The following PLXNA3 variants were observed in gnomAD, a reference collection of about 807,000 sequenced individuals.
PLXNA3 encodes plexin-A3.
PLXNA3 carries 52 observed loss-of-function variants against 118.8 expected under a neutral mutation model. That is an observed-to-expected ratio of 0.44 (90% CI 0.35 to 0.55). PLXNA3 has a LOEUF of 0.55. Ranked by LOEUF, PLXNA3 falls within the 20% of genes least tolerant of loss-of-function variation. The pLI is 0.01. For synonymous variants in PLXNA3, 925 were observed against 762.4 expected (o/e 1.21, Z -3.51); for missense variants, 1,660 against 1,730.8 (o/e 0.96, Z 0.73).
Position 154,470,016 on chromosome X carries a change from G to A in PLXNA3, c.4835G>A (p.Arg1612His). Residue 1612 changes from arginine (R) to histidine (H), a missense_variant, in exon 29 of 33, where the codon CGC becomes CAC. Physicochemically the swap from Arg to His is conservative, Grantham distance 29. Coordinates refer to ENST00000369682, the MANE Select transcript of PLXNA3 (RefSeq NM_017514.5). ...ACGGCCAGCAGCCCTGATAGCCTCC[G>A]CTCACGGGCACCCATGATTACGCCT... ...LRTASSPDSLRSRAPMITPDQ... is the reference protein window; with the variant it reads ...LRTASSPDSLHSRAPMITPDQ... The A allele has an allele frequency of 1.7e-6, 2 of 1,211,220 alleles. No individual in the cohort carries two copies. Among genetic ancestry groups the A allele is most frequent in the Non-Finnish European group, 2.2e-6 (2 of 895,344 alleles).
chrX:154,471,362 C>T (rs782538517), intron 31 of PLXNA3, 45 bp downstream of exon 31: 22 of 1,157,402 alleles, frequency 1.9e-5, no homozygotes, highest in Non-Finnish European at 2.5e-5. Flanking sequence ...GGACCTGCCC[C>T]TCCCTGGGCT....
chrX:154,463,544 G>GC, intron 5 of PLXNA3, 25 bp downstream of exon 5: 1 of 1,176,380 alleles, frequency 8.5e-7, no homozygotes, highest in Non-Finnish European at 1.1e-6. Context: ...GGTGGCGGTG[G>GC]GTGGTGGGGC....
rs1569554133 is a variant in PLXNA3, at chrX:154,461,221, GACGCTGCAGCTGGAC to G, written c.720_734del (p.Leu241_Thr245del). On this transcript the variant is annotated inframe_deletion, in exon 3 of 33. Coordinates refer to ENST00000369682, the MANE Select transcript of PLXNA3 (RefSeq NM_017514.5). ...TCAGCGCCTCCTTCGTGTACTTCCT[GACGCTGCAGCTGGAC>G]ACCCAGCAGACGCTGTTGGACACAG... 7 of 1,211,740 alleles carry G rather than the reference GACGCTGCAGCTGGAC, an allele frequency of 5.8e-6. No homozygotes were observed.
chrX:154,459,956 G>A (rs1254545702), intron 1 of PLXNA3, among the ~76,000 whole-genome samples: 2 of 113,007 alleles, frequency 1.8e-5, no homozygotes, highest in African/African-American at 6.4e-5. Flanking sequence ...AGGCCTCCTG[G>A]CTCCTTTCCA....
chrX:154,460,958 G>C, intron 2 of PLXNA3, 141 bp from the exon 3 acceptor site: 1 of 653,920 alleles, frequency 1.5e-6, no homozygotes, highest in African/African-American at 2.2e-5. Context: ...AGGGAGGCTG[G>C]TCACCCTGCC....
At position 154,469,803 on chromosome X, in the gene PLXNA3, G is replaced by A. The variant is rs202161540; in HGVS notation, c.4795+19G>A. On this transcript the variant is annotated intron_variant, in intron 28 of 32. Transcript: ENST00000369682. ...CGCTACGGTAGGTGTCCTCAGTGTG[G>A]TGGCCATGTGCCCTTCGAGGGAACC... 916 of 1,169,618 alleles carry A rather than the reference G, an allele frequency of 7.8e-4. No individual in the cohort carries two copies. The highest frequency in any genetic ancestry group is 9.1e-4 in the Non-Finnish European group (783 of 857,646).
intron 21 of PLXNA3, 31 bp from the exon 22 acceptor site, chrX:154,468,051 T>C: frequency 8.4e-7 from 1 of 1,196,052 alleles, no homozygotes; most frequent in Non-Finnish European, 1.1e-6. Flanking sequence ...ACCTCCCTCC[T>C]GCCCACTCAT....
In PLXNA3 at chrX:154,470,579, C is replaced by T. The variant is rs2069169673; in HGVS notation, c.5124C>T (p.Asp1708=). 1 of 1,211,252 alleles carries T rather than the reference C, an allele frequency of 8.3e-7. No individual in the cohort carries two copies. Among genetic ancestry groups the T allele is most frequent in the Non-Finnish European group, 1.1e-6 (1 of 895,249 alleles). The change falls in exon 30 of 33, where the codon GAC becomes GAT. Residue 1708 remains aspartate, a synonymous_variant. Transcript: ENST00000369682. ...DEQADQRQIS[D]PDVRHTWKSN... ...AGGCGGACCAGCGCCAGATCAGCGA[C>T]CCCGATGTGCGCCACACCTGGAAGA...
rs782216169 is a variant in PLXNA3 at position 154,470,645 on chromosome X, C to T, written c.5156+34C>T. 4 of 1,174,996 alleles carry T rather than the reference C, an allele frequency of 3.4e-6. No individual in the cohort carries two copies. In the African/African-American group the frequency reaches 5.3e-5, roughly 15 times the overall value. ...CCGTGCTGGGCTGCCAGCAGCCTGTCTGGAGACTGGTGGGCGGAAGACGCT... is the reference window on the plus strand; with the variant it reads ...CCGTGCTGGGCTGCCAGCAGCCTGTTTGGAGACTGGTGGGCGGAAGACGCT... On this transcript the variant is annotated intron_variant, in intron 30 of 32. Coordinates refer to ENST00000369682, the MANE Select transcript of PLXNA3 (RefSeq NM_017514.5).
rs1291237979 is a variant in PLXNA3, at chrX:154,467,104, A to G, written c.3155A>G (p.Gln1052Arg). 1 of 1,210,623 alleles carries G rather than the reference A, an allele frequency of 8.3e-7. No homozygotes were observed. Among genetic ancestry groups the G allele is most frequent in the Non-Finnish European group, 1.1e-6 (1 of 895,106 alleles). ...AGTGGGACCCACCTGCTGACGGTCC[A>G]GGAGCCCCGGGTCCGTGCCAAGTAC... ...TVSGTHLLTVQEPRVRAKYRG... is the reference protein window; with the variant it reads ...TVSGTHLLTVREPRVRAKYRG... Residue 1052 changes from glutamine to arginine, a missense_variant, in exon 18 of 33, where the codon CAG (glutamine) becomes CGG (arginine). This residue lies in a region of PLXNA3 where 869 missense variants were observed against 1,078.7 expected (regional missense o/e 0.81). Coordinates refer to ENST00000369682, the MANE Select transcript of PLXNA3 (RefSeq NM_017514.5).
At chrX:154,460,093 T>G in intron 1 of PLXNA3, 64 bp from the exon 2 acceptor site, 1 of 602,800 alleles carries the variant, frequency 1.7e-6, no homozygotes, top group South Asian at 2.8e-5. Flanking sequence ...GGCGGGGTGG[T>G]GGGTGAATGG....
rs782552156 is a variant in PLXNA3, at chrX:154,460,447, C to G, written c.264C>G (p.His88Gln). 5.7e-5 allele frequency: 69 copies of G among 1,202,275 alleles called. No homozygotes were observed. Among genetic ancestry groups the G allele is most frequent in the Non-Finnish European group, 7.6e-5 (68 of 890,073 alleles). ...CCCCCAGCATGCGCGTGTGTGCCCA[C>G]CGCCTGGCCCCCGTGGACAACATCA... ...YPPPSMRVCAHRLAPVDNINK... is the reference protein window; with the variant it reads ...YPPPSMRVCAQRLAPVDNINK... The change falls in exon 2 of 33, where the codon CAC (histidine) becomes CAG (glutamine). Residue 88 changes from histidine (H) to glutamine (Q), a missense_variant. Around this residue, in one of 2 missense-constraint regions of PLXNA3, gnomAD observed 791 missense variants for 652.1 expected, o/e 1.21. Transcript: ENST00000369682.
chrX:154,460,679 T>C lies in PLXNA3; in HGVS notation c.496T>C (p.Phe166Leu). ...GCAGGGCCAGGGGCCCAGCAAGCTGTTTGTGGGCACTGCTGTCGACGGCAA... is the reference window on the plus strand; with the variant it reads ...GCAGGGCCAGGGGCCCAGCAAGCTGCTTGTGGGCACTGCTGTCGACGGCAA... ...VEQGQGPSKL[F>L]VGTAVDGKSE... is the part of the protein sequence containing the mutation. Residue 166 changes from phenylalanine (F) to leucine (L), a missense_variant, in exon 2 of 33, where the codon TTT becomes CTT. Phe to Leu is a conservative substitution (Grantham distance 22). This residue lies in a region of PLXNA3 where 791 missense variants were observed against 652.1 expected (regional missense o/e 1.21). Coordinates refer to ENST00000369682, the MANE Select transcript of PLXNA3 (RefSeq NM_017514.5). 1 of 1,160,640 alleles carries C rather than the reference T, an allele frequency of 8.6e-7. No homozygotes were observed.
intron 26 of PLXNA3, 38 bp downstream of exon 26, chrX:154,469,253 A>C (rs782275155): frequency 8.4e-7 from 1 of 1,189,189 alleles, no homozygotes. Context: ...TCCCACTCAT[A>C]CCCTCCTGTG....
Position 154,468,758 on chromosome X carries a change from G to T in PLXNA3, c.4287+29G>T, listed in dbSNP as rs782711729. 2.5e-6 allele frequency: 3 copies of T among 1,211,326 alleles called. No homozygotes were observed. In the Admixed American group the frequency reaches 6.5e-5, roughly 26 times the overall value. ...CGCCAGGTGGGTGGGCGGCAGGGAG[G>T]TGGTGGCAGAGGACCGGCCAGTGGT... On this transcript the variant is annotated intron_variant, in intron 24 of 32. Coordinates refer to ENST00000369682, the MANE Select transcript of PLXNA3 (RefSeq NM_017514.5).
rs1557203633 is a variant in PLXNA3 at position 154,460,631 on chromosome X, T to G, written c.448T>G (p.Ser150Ala). Reference protein sequence around the residue: ...HYLSGAQEPDSMAGVIVEQGQ... With the variant: ...HYLSGAQEPDAMAGVIVEQGQ... ...CCTGTCGGGGGCCCAGGAGCCCGAC[T>G]CCATGGCTGGTGTCATTGTGGAGCA... Residue 150 changes from serine (S) to alanine (A), a missense_variant, in exon 2 of 33, where the codon TCC becomes GCC. Physicochemically the swap from Ser to Ala is moderately conservative, Grantham distance 99. This residue lies in a region of PLXNA3 where 791 missense variants were observed against 652.1 expected (regional missense o/e 1.21). Coordinates refer to ENST00000369682, the MANE Select transcript of PLXNA3 (RefSeq NM_017514.5). 7.6e-6 allele frequency: 9 copies of G among 1,185,059 alleles called. No homozygotes were observed. The Admixed American group carries it at 1.6e-4, about 21-fold the overall frequency.
intron 4 of PLXNA3, 34 bp downstream of exon 4, chrX:154,462,344 G>C: frequency 1.9e-6 from 2 of 1,056,029 alleles, no homozygotes; most frequent in Non-Finnish European, 2.5e-6. Flanking sequence ...GTGGGGGTGG[G>C]GACAGTCTCA....
Position 154,465,119 on chromosome X carries a change from C to A in PLXNA3, c.2145C>A (p.Gly715=). Residue 715 remains glycine (G), a synonymous_variant, in exon 11 of 33, where the codon GGC becomes GGA. Transcript: ENST00000369682. ...RAKNLPQPQS[G]QKNYECVVRV... ...AGAACCTACCTCAGCCGCAGTCGGG[C>A]CAGAAGAACTATGAGTGCGTGGTGC... is the stretch of plus-strand genomic sequence containing the variant. 2 of 1,210,454 alleles carry A rather than the reference C, an allele frequency of 1.7e-6. No homozygotes were observed. The highest frequency in any genetic ancestry group is 2.2e-6 in the Non-Finnish European group (2 of 894,976).
chrX:154,471,423 G>A, intron 31 of PLXNA3, 65 bp from the exon 32 acceptor site: 4 of 1,155,367 alleles, frequency 3.5e-6, no homozygotes, highest in Non-Finnish European at 4.7e-6. Flanking sequence ...GGCTGGCTGG[G>A]CAGTGAGGGC....
Sources: gnomAD v4.1 joint callset for allele counts (sites outside exome capture counted in the v4.1 genomes callset) on GRCh38, gnomAD v4.1.1 for gene constraint, gnomAD v4.1.1 regional missense constraint, MANE v1.5 for transcripts, NCBI Gene and HGNC (gene_info 2026-07-23, HGNC 2026-07-21) for gene names.